ARHGEF33: variants seen among roughly 807,000 people sequenced by gnomAD.
The protein encoded by ARHGEF33 is DH and coiled-coil domain-containing protein ENSP00000381780.
Under a neutral mutation model 101.9 loss-of-function variants are expected in ARHGEF33, and 72 were observed. That is an observed-to-expected ratio of 0.71 (90% CI 0.58 to 0.86). The LOEUF is 0.86. Among genes scored for constraint, ARHGEF33 ranks in the 40% least tolerant of loss-of-function variants. The pLI is 0.00. For missense variants in ARHGEF33, 1,169 were observed against 1,111.3 expected (o/e 1.05, Z -0.74); for synonymous variants, 499 against 442.5 (o/e 1.13, Z -1.60).
In ARHGEF33 at chr2:38,960,093, C is replaced by A. The variant is rs757744178; in HGVS notation, c.1788C>A (p.Arg596=). 6.5e-7 allele frequency: 1 copy of A among 1,541,950 alleles called. No individual in the cohort carries two copies. Among genetic ancestry groups the A allele is most frequent in the South Asian group, 1.2e-5 (1 of 83,880 alleles). Residue 596 remains arginine (R), a synonymous_variant, in exon 16 of 18, where the codon CGC becomes CGA. Coordinates refer to ENST00000409978, the MANE Select transcript of ARHGEF33 (RefSeq NM_001145451.5). ...EPLGNVERSL[R]APAELLPDAR... ...TGGGCAACGTGGAGCGCTCCCTGCG[C>A]GCCCCGGCCGAGCTCCTGCCCGATG...
At chr2:38,962,786 G>A (rs2124426970) in intron 16 of ARHGEF33, among the ~76,000 whole-genome samples, 1 of 150,572 alleles carries the variant, frequency 6.6e-6, no homozygotes, top group African/African-American at 2.4e-5. Flanking sequence ...AGGCCGAGGT[G>A]GGCGGATCAT....
At position 38,957,052 on chromosome 2, in the gene ARHGEF33, G is replaced by C; in HGVS notation, c.1370+5G>C. ...GAAACGGAAAAAGCTCAAGAAGTAA[G>C]GTTCTGATGGTGTGGTCTAGAGGGT... On this transcript the variant is annotated splice_donor_5th_base_variant and intron_variant, in intron 14 of 17. Transcript: ENST00000409978. The C allele has an allele frequency of 6.4e-7, 1 of 1,551,698 alleles. No individual in the cohort carries two copies. Among genetic ancestry groups the C allele is most frequent in the Non-Finnish European group, 8.7e-7 (1 of 1,147,006 alleles).
chr2:38,918,792 G>C (rs1369954216), intron 2 of ARHGEF33, among the ~76,000 whole-genome samples: 3 of 150,424 alleles, frequency 2.0e-5, no homozygotes, highest in African/African-American at 7.4e-5. Flanking sequence ...CTGTAATTCA[G>C]CACTTTGGGA....
At chr2:38,938,083 A>G (rs1005456991) in intron 9 of ARHGEF33, among the ~76,000 whole-genome samples, 1 of 152,192 alleles carries the variant, frequency 6.6e-6, no homozygotes, top group Non-Finnish European at 1.5e-5. Context: ...CATGAAAAAA[A>G]GTATTAAAAG....
chr2:38,971,632 G>A (rs548046969), intron 17 of ARHGEF33, among the ~76,000 whole-genome samples: 1 of 152,302 alleles, frequency 6.6e-6, no homozygotes, highest in Non-Finnish European at 1.5e-5. Flanking sequence ...AAAGAGGTCA[G>A]TTAAAATGGT....
chr2:38,893,371 G>A (rs1666049567), intron 1 of ARHGEF33, among the ~76,000 whole-genome samples: 1 of 152,028 alleles, frequency 6.6e-6, no homozygotes, highest in Admixed American at 6.6e-5. Context: ...TGTTGGCCAG[G>A]CTGATCTCGA....
chr2:38,920,746 G>C (rs988332997), intron 3 of ARHGEF33, among the ~76,000 whole-genome samples: 1 of 152,072 alleles, frequency 6.6e-6, no homozygotes, highest in Admixed American at 6.6e-5. Context: ...TCCTCTGCGT[G>C]TGCCCTGTGT....
intron 1 of ARHGEF33, among the ~76,000 whole-genome samples, chr2:38,894,236 G>A (rs920798277): frequency 3.9e-5 from 6 of 152,112 alleles, no homozygotes; most frequent in African/African-American, 1.4e-4. Flanking sequence ...AGAGGCTGAG[G>A]CAGGAGGATT....
At chr2:38,910,506 G>A (rs1202639608) in intron 2 of ARHGEF33, among the ~76,000 whole-genome samples, 3 of 152,128 alleles carry the variant, frequency 2.0e-5, no homozygotes, top group African/African-American at 7.2e-5. Context: ...GGAGGCAGAG[G>A]TTGCAGTGAG....
chr2:38,959,830 TC>T lies in ARHGEF33; in HGVS notation c.1536-6del. On this transcript the variant is annotated splice_polypyrimidine_tract_variant and intron_variant, in intron 15 of 17. Coordinates refer to ENST00000409978, the MANE Select transcript of ARHGEF33 (RefSeq NM_001145451.5). ...AGCACAGCTCTTTTGTACTCTGTTT[TC>T]CCCCTAAAGACATCTGATGCCCCCA... The T allele has an allele frequency of 1.3e-6, 2 of 1,534,648 alleles. No individual in the cohort carries two copies. The highest frequency in any genetic ancestry group is 1.2e-5 in the South Asian group (1 of 81,914).
intron 10 of ARHGEF33, among the ~76,000 whole-genome samples, chr2:38,948,011 A>G (rs967044117): frequency 8.5e-5 from 13 of 152,070 alleles, no homozygotes; most frequent in African/African-American, 3.1e-4. Context: ...ATTAAGTACT[A>G]TATTGTTAGG....
At chr2:38,893,089 C>T (rs951242229) in intron 1 of ARHGEF33, among the ~76,000 whole-genome samples, 2 of 152,152 alleles carry the variant, frequency 1.3e-5, no homozygotes, top group African/African-American at 2.4e-5. Context: ...TCACCTTCTA[C>T]TCTACCTTCT....
chr2:38,902,275 G>A (rs752494527), intron 2 of ARHGEF33, among the ~76,000 whole-genome samples: 11 of 152,086 alleles, frequency 7.2e-5, no homozygotes, highest in South Asian at 6.2e-4. Context: ...TAATGTTGGC[G>A]ACAGGCAGTG....
intron 2 of ARHGEF33, among the ~76,000 whole-genome samples, chr2:38,902,605 A>G (rs1666274064): frequency 6.6e-6 from 1 of 152,124 alleles, no homozygotes; most frequent in African/African-American, 2.4e-5. Flanking sequence ...AAATATTGCA[A>G]GTAGTTATGG....
In ARHGEF33 at chr2:38,901,769, A is replaced by G. The variant is rs565502434; in HGVS notation, c.-86+5920A>G. ...TTTAAATCATGGACTTGGGATTTGA[A>G]TTCACATCTTCCAGACTTCAAACTC... On this transcript the variant is annotated intron_variant, in intron 2 of 17. Transcript: ENST00000409978. Among the ~76,000 whole-genome samples, 4 of 152,302 alleles carry G rather than the reference A, an allele frequency of 2.6e-5. No individual in the cohort carries two copies. In the South Asian group the frequency reaches 8.3e-4, roughly 32 times the overall value.
chr2:38,896,242 A>T (rs1417632274), intron 2 of ARHGEF33, among the ~76,000 whole-genome samples: 2 of 152,152 alleles, frequency 1.3e-5, no homozygotes, highest in Non-Finnish European at 2.9e-5. Flanking sequence ...AGGTTAAAGC[A>T]ATCCTCCTGC....
At chr2:38,943,274 G>C (rs1264939350) in intron 9 of ARHGEF33, among the ~76,000 whole-genome samples, 1 of 152,056 alleles carries the variant, frequency 6.6e-6, no homozygotes, top group East Asian at 1.9e-4. Flanking sequence ...TTTTCCCTTG[G>C]GCAGTTCAGT....
intron 17 of ARHGEF33, among the ~76,000 whole-genome samples, chr2:38,967,678 C>A (rs893989298): frequency 2.6e-5 from 4 of 151,990 alleles, no homozygotes; most frequent in Admixed American, 2.6e-4. Context: ...CAGGTTCAGG[C>A]TATTCTCCTG....
intron 17 of ARHGEF33, among the ~76,000 whole-genome samples, chr2:38,966,394 CAT>C (rs1189100657): frequency 6.6e-6 from 1 of 152,150 alleles, no homozygotes; most frequent in Non-Finnish European, 1.5e-5. Context: ...TTCCCAAAGT[CAT>C]GTGTCTTGAG....
Sources: gnomAD v4.1 joint callset for allele counts (sites outside exome capture counted in the v4.1 genomes callset) on GRCh38, gnomAD v4.1.1 for gene constraint, MANE v1.5 for transcripts, NCBI Gene and HGNC (gene_info 2026-07-23, HGNC 2026-07-21) for gene names.